Variants in AGBL4 observed in about 807,000 individuals in gnomAD.
AGBL4 encodes cytosolic carboxypeptidase 6.
AGBL4 carries 58 observed loss-of-function variants against 66.4 expected under a neutral mutation model. The observed-to-expected ratio is 0.87, with a 90% CI of 0.71 to 1.09. The LOEUF (loss-of-function observed/expected upper bound fraction) is 1.09, where lower values mean the gene tolerates loss of function less well. AGBL4 is among the 50% of genes least tolerant of loss of function. AGBL4 has a pLI of 0.00. For missense variants in AGBL4, 579 were observed against 631.0 expected (o/e 0.92, Z 0.88); for synonymous variants, 234 against 222.9 (o/e 1.05, Z -0.44).
At chr1:49,819,812 C>T (rs1401086371) in intron 2 of AGBL4, among the ~76,000 whole-genome samples, 1 of 152,110 alleles carries the variant, frequency 6.6e-6, no homozygotes, top group Non-Finnish European at 1.5e-5. Flanking sequence ...CTTTTCCTGA[C>T]CTTAGCTAGG....
intron 7 of AGBL4, among the ~76,000 whole-genome samples, chr1:48,654,932 G>A (rs773071114): frequency 9.8e-5 from 15 of 152,330 alleles, no homozygotes; most frequent in Non-Finnish European, 1.9e-4. Context: ...GATGCCAGGC[G>A]CCCTTGTTAG....
At chr1:49,235,072 A>G (rs556387842) in intron 4 of AGBL4, among the ~76,000 whole-genome samples, 2 of 152,340 alleles carry the variant, frequency 1.3e-5, no homozygotes, top group South Asian at 4.1e-4. Context: ...GCCTGGGTTC[A>G]AAACTCATTC....
chr1:49,557,080 C>T (rs546602367), intron 3 of AGBL4, among the ~76,000 whole-genome samples: 2 of 152,160 alleles, frequency 1.3e-5, no homozygotes, highest in South Asian at 2.1e-4. Flanking sequence ...GGTTCCCACC[C>T]GAGCCTCTCC....
intron 4 of AGBL4, among the ~76,000 whole-genome samples, chr1:49,059,731 C>T (rs1644369252): frequency 6.6e-6 from 1 of 152,220 alleles, no homozygotes; most frequent in Admixed American, 6.5e-5. Flanking sequence ...GAGCCCACCT[C>T]TTGTATCAGC....
chr1:49,994,335 A>G (rs1038586176), intron 1 of AGBL4: 1 of 151,860 alleles, frequency 6.6e-6, no homozygotes, highest in African/African-American at 2.4e-5. Flanking sequence ...GCAAAAAAAA[A>G]AAAAAACCTG....
intron 4 of AGBL4, among the ~76,000 whole-genome samples, chr1:49,052,110 T>C (rs1415874444): frequency 6.6e-6 from 1 of 150,822 alleles, no homozygotes; most frequent in Non-Finnish European, 1.5e-5. Flanking sequence ...CTGTGCCTTC[T>C]GGAGAAGGAC....
At chr1:48,897,727 A>T (rs1415378988) in intron 5 of AGBL4, among the ~76,000 whole-genome samples, 2 of 151,388 alleles carry the variant, frequency 1.3e-5, no homozygotes, top group African/African-American at 4.9e-5. Context: ...ATGATTAGTA[A>T]TGTTGAGCAT....
rs191335567 is a variant in AGBL4, at chr1:49,185,928, A to C, written c.377+59842T>G. 2.3e-3 allele frequency among the ~76,000 whole-genome samples: 351 copies of C among 152,222 alleles called. 3 individuals carry two copies. Among genetic ancestry groups the C allele is most frequent in the African/African-American group, 8.0e-3 (332 of 41,548 alleles). The stretch of plus-strand genomic sequence containing the variant: ...TGCCCAGGTGACCAGCCAATTAAAA[A>C]TGAGTTGTGAACTCTAGCCCTGTGC... On this transcript the variant is annotated intron_variant, in intron 4 of 13. Transcript: ENST00000371839.
chr1:49,717,280 C>A (rs1648223962), intron 2 of AGBL4, among the ~76,000 whole-genome samples: 1 of 152,112 alleles, frequency 6.6e-6, no homozygotes. Flanking sequence ...GCCATATATC[C>A]CCAAGTAATT....
chr1:48,976,431 T>C lies in AGBL4; in HGVS notation c.594+69153A>G, dbSNP rs1659343072. Among the ~76,000 whole-genome samples the C allele has an allele frequency of 3.3e-5, 5 of 152,176 alleles. No individual in the cohort carries two copies. In the South Asian group the frequency reaches 1.0e-3, roughly 31 times the overall value. On this transcript the variant is annotated intron_variant, in intron 5 of 13. Coordinates refer to ENST00000371839, the MANE Select transcript of AGBL4 (RefSeq NM_032785.4). ...ACTTGGTGGCAGAATGATTATAGTA[T>C]ACTCCTTCCATAATGAAGGGGCAGT...
chr1:49,748,664 C>T (rs1651196887), intron 2 of AGBL4, among the ~76,000 whole-genome samples: 1 of 152,218 alleles, frequency 6.6e-6, no homozygotes, highest in Admixed American at 6.5e-5. Context: ...TCCTCTCCAG[C>T]ATCTGTTGTT....
At chr1:49,490,804 A>C (rs1647171579) in intron 3 of AGBL4, among the ~76,000 whole-genome samples, 3 of 151,776 alleles carry the variant, frequency 2.0e-5, no homozygotes, top group African/African-American at 7.2e-5. Context: ...ACTTCTTGCA[A>C]GTTTATTTTA....
At chr1:50,012,926 C>A (rs992032656) in intron 1 of AGBL4, among the ~76,000 whole-genome samples, 2 of 152,112 alleles carry the variant, frequency 1.3e-5, no homozygotes, top group African/African-American at 4.8e-5. Flanking sequence ...AAAAAACATG[C>A]CCTGGTTTGT....
At chr1:49,355,095 A>G (rs1410866980) in intron 3 of AGBL4, among the ~76,000 whole-genome samples, 1 of 152,144 alleles carries the variant, frequency 6.6e-6, no homozygotes, top group Non-Finnish European at 1.5e-5. Context: ...GAAAATGCAA[A>G]CTCCACACAG....
chr1:49,571,299 T>C (rs1172996409), intron 3 of AGBL4, among the ~76,000 whole-genome samples: 1 of 152,060 alleles, frequency 6.6e-6, no homozygotes, highest in Non-Finnish European at 1.5e-5. Flanking sequence ...TAGAAATTTT[T>C]CACTTCCTTG....
intron 1 of AGBL4, among the ~76,000 whole-genome samples, chr1:49,873,765 G>A (rs1219343760): frequency 6.6e-6 from 1 of 151,980 alleles, no homozygotes; most frequent in Non-Finnish European, 1.5e-5. Flanking sequence ...GGCTGTTTCT[G>A]TGATTCCATG....
chr1:48,612,578 T>C (rs1401949159), intron 9 of AGBL4, among the ~76,000 whole-genome samples: 3 of 152,180 alleles, frequency 2.0e-5, no homozygotes, highest in African/African-American at 7.2e-5. Flanking sequence ...TAAACAAATC[T>C]CTTGAAATCC....
intron 6 of AGBL4, among the ~76,000 whole-genome samples, chr1:48,750,759 C>G (rs1651594784): frequency 6.6e-6 from 1 of 152,194 alleles, no homozygotes; most frequent in Admixed American, 6.5e-5. Flanking sequence ...AGCTTCTTGT[C>G]TCTAGTGGAA....
At chr1:49,633,513 T>A (rs1389493491) in intron 3 of AGBL4, among the ~76,000 whole-genome samples, 1 of 152,076 alleles carries the variant, frequency 6.6e-6, no homozygotes, top group Non-Finnish European at 1.5e-5. Flanking sequence ...GATAAACTAA[T>A]CATTAAATGT....
Sources: gnomAD v4.1 joint callset for allele counts (sites outside exome capture counted in the v4.1 genomes callset) on GRCh38, gnomAD v4.1.1 for gene constraint, MANE v1.5 for transcripts, NCBI Gene and HGNC (gene_info 2026-07-23, HGNC 2026-07-21) for gene names.